AFF2: variants seen among roughly 807,000 people sequenced by gnomAD.
AFF2 encodes AF4/FMR2 family member 2.
AFF2 carries 14 observed loss-of-function variants against 76.9 expected under a neutral mutation model. That is an observed-to-expected ratio of 0.18 (90% CI 0.12 to 0.28). AFF2 has a LOEUF of 0.28. Ranked by LOEUF, AFF2 falls within the 10% of genes least tolerant of loss-of-function variation. The probability of loss-of-function intolerance (pLI) is 1.00; values close to 1 mark genes in which losing one functional copy is unlikely to be tolerated. For synonymous variants in AFF2, 398 were observed against 366.7 expected, an observed-to-expected ratio of 1.09 and a Z score of -0.98; for missense variants, 868 against 1,001.1, an observed-to-expected ratio of 0.87 and a Z score of 1.79.
At chrX:148,728,579 T>C (rs1211316775) in intron 3 of AFF2, among the ~76,000 whole-genome samples, 2 of 112,630 alleles carry the variant, frequency 1.8e-5, no homozygotes, top group Non-Finnish European at 3.8e-5. Context: ...AAAGCAACTT[T>C]TATTGAAAAC....
chrX:148,893,037 T>C (rs1396649441), intron 8 of AFF2, among the ~76,000 whole-genome samples: 2 of 112,112 alleles, frequency 1.8e-5, no homozygotes, highest in African/African-American at 6.5e-5. Context: ...TGTCATTGCC[T>C]TTCATTGAAA....
intron 7 of AFF2, among the ~76,000 whole-genome samples, chrX:148,846,166 G>A (rs2070664680): frequency 8.9e-6 from 1 of 111,869 alleles, no homozygotes; most frequent in Admixed American, 9.5e-5. Flanking sequence ...TTCCTTCTCA[G>A]TATAGTGCAT....
chrX:148,991,715 G>A lies in AFF2; in HGVS notation c.*383G>A, dbSNP rs1391365338. ...GCAACAAGTGGTCTTACATATACATGAGAACTTAGACACAAGGGACCATCC... is the reference window on the plus strand; with the variant it reads ...GCAACAAGTGGTCTTACATATACATAAGAACTTAGACACAAGGGACCATCC... On this transcript the variant is annotated 3_prime_UTR_variant, in exon 21 of 21. Coordinates refer to ENST00000370460, the MANE Select transcript of AFF2 (RefSeq NM_002025.4). 4 of 116,151 alleles carry A rather than the reference G, an allele frequency of 3.4e-5. No homozygotes were observed. Among genetic ancestry groups the A allele is most frequent in the Non-Finnish European group, 7.1e-5 (4 of 56,442 alleles). 9.6% of individuals were successfully genotyped at this position (116,151 alleles called of 1,213,427 possible).
chrX:148,921,057 A>G (rs1213972967), intron 9 of AFF2, among the ~76,000 whole-genome samples: 3 of 111,361 alleles, frequency 2.7e-5, no homozygotes, highest in Non-Finnish European at 5.7e-5. Context: ...CTAAGCAGGG[A>G]GTCTTTAAGC....
chrX:148,841,192 G>T (rs966343203), intron 5 of AFF2, among the ~76,000 whole-genome samples: 1 of 111,958 alleles, frequency 8.9e-6, no homozygotes, highest in African/African-American at 3.2e-5. Context: ...TTTGGAACTT[G>T]TCATTTAATT....
chrX:148,541,598 C>A (rs1217477420), intron 1 of AFF2, among the ~76,000 whole-genome samples: 3 of 111,325 alleles, frequency 2.7e-5, no homozygotes, highest in African/African-American at 9.8e-5. Context: ...CCTGACTGTC[C>A]TTTAAAGATT....
intron 1 of AFF2, among the ~76,000 whole-genome samples, chrX:148,646,894 G>C (rs919949982): frequency 8.9e-6 from 1 of 111,938 alleles, no homozygotes; most frequent in Non-Finnish European, 1.9e-5. Flanking sequence ...AAATAATGAT[G>C]GCCTGTTTTG....
intron 1 of AFF2, among the ~76,000 whole-genome samples, chrX:148,539,024 T>C (rs1412380385): frequency 8.9e-6 from 1 of 111,759 alleles, no homozygotes; most frequent in African/African-American, 3.3e-5. Flanking sequence ...TATTTATGGC[T>C]AGACCCAGAT....
intron 19 of AFF2, among the ~76,000 whole-genome samples, chrX:148,985,977 T>C (rs2072466319): frequency 2.7e-5 from 3 of 109,805 alleles, no homozygotes; most frequent in African/African-American, 1.0e-4. Context: ...GTCAGCAGCA[T>C]TTCAGCATTT....
intron 3 of AFF2, among the ~76,000 whole-genome samples, chrX:148,719,937 G>C (rs1484085384): frequency 2.7e-5 from 3 of 111,306 alleles, no homozygotes; most frequent in African/African-American, 9.8e-5. Context: ...TATGTAGAAT[G>C]CTAAAGATAA....
chrX:148,701,011 AATGTGTGTGTGT>A (rs1457264415), intron 3 of AFF2, among the ~76,000 whole-genome samples: 137 of 61,167 alleles, frequency 2.2e-3, no homozygotes, highest in African/African-American at 7.7e-3. Flanking sequence ...AGAGAGAGAG[AATGTGTGTGTGT>A]GTGTGTGTGT....
intron 3 of AFF2, among the ~76,000 whole-genome samples, chrX:148,752,702 GA>G (rs782686426): frequency 4.2e-4 from 47 of 111,674 alleles, no homozygotes; most frequent in African/African-American, 1.4e-3. Flanking sequence ...TCTCCTCAAT[GA>G]AGACCCCTAA....
At chrX:148,706,057 CTG>C (rs2054880812) in intron 3 of AFF2, among the ~76,000 whole-genome samples, 2 of 112,187 alleles carry the variant, frequency 1.8e-5, no homozygotes, top group African/African-American at 6.5e-5. Flanking sequence ...TTTTGATCCT[CTG>C]TAAATCAACT....
chrX:148,533,892 ATTAC>A lies in AFF2; in HGVS notation c.47+32752_47+32755del, dbSNP rs1307556659. Among the ~76,000 whole-genome samples the A allele has an allele frequency of 1.2e-4, 13 of 112,078 alleles. No homozygotes were observed. In the East Asian group the frequency reaches 2.0e-3, roughly 17 times the overall value. On this transcript the variant is annotated intron_variant, in intron 1 of 20. Coordinates refer to ENST00000370460, the MANE Select transcript of AFF2 (RefSeq NM_002025.4). Reference sequence around the variant, plus strand: ...GAGTGAATCATTAAATTCAATATTTATTACTTAATATCTTAATAATAAATGTTAA... The same window carrying A: ...GAGTGAATCATTAAATTCAATATTTATTAATATCTTAATAATAAATGTTAA...
intron 15 of AFF2, among the ~76,000 whole-genome samples, chrX:148,972,053 T>C (rs376831293): frequency 1.9e-4 from 1 of 5,243 alleles, no homozygotes; most frequent in East Asian, 3.0e-3. Flanking sequence ...GATAGTTTAC[T>C]GAGAATGATG....
At chrX:148,887,276 C>T (rs980998377) in intron 8 of AFF2, among the ~76,000 whole-genome samples, 12 of 112,179 alleles carry the variant, frequency 1.1e-4, no homozygotes, top group Admixed American at 3.8e-4. Context: ...TTGAGTTGGG[C>T]TTCATAGCAA....
chrX:148,696,489 G>A (rs1343515761), intron 3 of AFF2, among the ~76,000 whole-genome samples: 9 of 110,989 alleles, frequency 8.1e-5, no homozygotes, highest in Admixed American at 6.7e-4. Context: ...ATTAGTTTCT[G>A]ACTCATATCT....
chrX:148,688,000 A>G (rs974018189), intron 3 of AFF2, among the ~76,000 whole-genome samples: 1 of 110,398 alleles, frequency 9.1e-6, no homozygotes, highest in African/African-American at 3.3e-5. Flanking sequence ...TGGCGCTACT[A>G]TCTATGCCAG....
intron 1 of AFF2, among the ~76,000 whole-genome samples, chrX:148,580,892 G>A: frequency 9.6e-6 from 1 of 103,628 alleles, no homozygotes; most frequent in South Asian, 4.6e-4. Context: ...CATACAGAAA[G>A]TTATAAGAAT....
Sources: gnomAD v4.1 joint callset for allele counts (sites outside exome capture counted in the v4.1 genomes callset) on GRCh38, gnomAD v4.1.1 for gene constraint, MANE v1.5 for transcripts, NCBI Gene and HGNC (gene_info 2026-07-23, HGNC 2026-07-21) for gene names.